Variants in AMBRA1 observed in about 807,000 individuals in gnomAD.
The protein encoded by AMBRA1 is autophagy and beclin 1 regulator 1.
A neutral mutation model predicts 125.4 loss-of-function variants in AMBRA1; 47 were observed. The ratio of observed to expected loss-of-function variants is 0.37; its 90% CI spans 0.30 to 0.48. AMBRA1 has a LOEUF of 0.48. AMBRA1 is among the 20% of genes least tolerant of loss of function. The pLI is 0.99. For missense variants in AMBRA1, 1,331 were observed against 1,693.4 expected, an observed-to-expected ratio of 0.79 and a Z score of 3.76; for synonymous variants, 626 against 655.5, an observed-to-expected ratio of 0.95 and a Z score of 0.69.
In AMBRA1 at chr11:46,542,806, G is replaced by C; in HGVS notation, c.1211C>G (p.Ser404Cys). 1.2e-6 allele frequency: 2 copies of C among 1,614,118 alleles called. No homozygotes were observed. The highest frequency in any genetic ancestry group is 1.7e-6 in the Non-Finnish European group (2 of 1,180,022). Residue 404 changes from serine (S) to cysteine (C), a missense_variant, in exon 7 of 18, where the codon TCT becomes TGT. Around this residue, in one of 4 missense-constraint regions of AMBRA1, gnomAD observed 689 missense variants for 776.5 expected, o/e 0.89. Coordinates refer to ENST00000683756, the MANE Select transcript of AMBRA1 (RefSeq NM_001387011.1). The surrounding 1 kb of genome is among the most constrained non-coding windows in gnomAD (Gnocchi z 5.9). ...AGGAGCTATTTCTCGGTGATACCTA[G>C]AAGGGTGGCTAGACAGAGGCCCTCC... ...SLGGPLSSHP[S>C]RYHREIAPGL...
chr11:46,509,900 C>T (rs1489190), intron 8 of AMBRA1, among the ~76,000 whole-genome samples: 1,917 of 152,136 alleles, frequency 0.013, 50 homozygotes, highest in African/African-American at 0.044. Context: ...AGAACAGAAA[C>T]AGGAATAGTT....
chr11:46,477,291 G>A (rs1473120594), intron 11 of AMBRA1, among the ~76,000 whole-genome samples: 1 of 151,766 alleles, frequency 6.6e-6, no homozygotes. Context: ...GTTTTCATTA[G>A]GGAGAGTCTT....
chr11:46,504,587 C>A (rs757302517), intron 9 of AMBRA1: 3 of 152,204 alleles, frequency 2.0e-5, no homozygotes, highest in Non-Finnish European at 4.4e-5. Flanking sequence ...TTGATAAACA[C>A]AAGGACCCTG....
Position 46,417,904 on chromosome 11 carries a change from G to C in AMBRA1, c.3116+9C>G. ...TGATCCCTCAACCCCCACACTTTAAGCCACTTACTCTGGTCGGCAGATCAC... is the reference window on the plus strand; with the variant it reads ...TGATCCCTCAACCCCCACACTTTAACCCACTTACTCTGGTCGGCAGATCAC... On this transcript the variant is annotated intron_variant, in intron 15 of 17. Transcript: ENST00000683756. 1 of 1,599,782 alleles carries C rather than the reference G, an allele frequency of 6.3e-7. No individual in the cohort carries two copies. The highest frequency in any genetic ancestry group is 1.1e-5 in the South Asian group (1 of 89,698).
rs190555776 is a variant in AMBRA1 at position 46,501,309 on chromosome 11, G to A, written c.2339+6882C>T. On this transcript the variant is annotated intron_variant, in intron 9 of 17. Coordinates refer to ENST00000683756, the MANE Select transcript of AMBRA1 (RefSeq NM_001387011.1). The stretch of plus-strand genomic sequence containing the variant: ...CTCACATCCCAAAGATGTGCACATT[G>A]GATGAACTGGCATGCCTAGACTACC... Among the ~76,000 whole-genome samples the A allele has an allele frequency of 5.9e-5, 9 of 152,338 alleles. No homozygotes were observed. The East Asian group carries it at 1.5e-3, about 26-fold the overall frequency.
At chr11:46,507,490 A>G (rs1951092763) in intron 9 of AMBRA1, among the ~76,000 whole-genome samples, 1 of 152,022 alleles carries the variant, frequency 6.6e-6, no homozygotes, top group African/African-American at 2.4e-5. Context: ...AAAAAAAAAA[A>G]AAAAAAGATT....
chr11:46,506,107 T>C (rs1951027453), intron 9 of AMBRA1, among the ~76,000 whole-genome samples: 1 of 152,190 alleles, frequency 6.6e-6, no homozygotes, highest in Non-Finnish European at 1.5e-5. Context: ...CAGGAGAACA[T>C]ATTTCACTGT....
chr11:46,505,002 G>C (rs1301360149), intron 9 of AMBRA1, among the ~76,000 whole-genome samples: 3 of 152,148 alleles, frequency 2.0e-5, no homozygotes, highest in African/African-American at 7.2e-5. Flanking sequence ...AATGATCTAT[G>C]ACTTAGCAAA....
chr11:46,445,783 A>G (rs951595279), intron 11 of AMBRA1, among the ~76,000 whole-genome samples: 1 of 152,210 alleles, frequency 6.6e-6, no homozygotes, highest in Non-Finnish European at 1.5e-5. Flanking sequence ...CCAGCTTTTA[A>G]CAACCCCAAA....
At chr11:46,586,095 C>T (rs769172527) in intron 1 of AMBRA1, among the ~76,000 whole-genome samples, 1 of 152,136 alleles carries the variant, frequency 6.6e-6, no homozygotes, top group Non-Finnish European at 1.5e-5. Flanking sequence ...TTAGCCACTG[C>T]ACCCAGCCGA....
chr11:46,470,265 A>AC (rs1219375292), intron 11 of AMBRA1, among the ~76,000 whole-genome samples: 1 of 151,602 alleles, frequency 6.6e-6, no homozygotes, highest in African/African-American at 2.4e-5. Context: ...ACATAGGGAG[A>AC]CCCCATATCT....
chr11:46,580,631 T>C (rs2044136921), intron 1 of AMBRA1, among the ~76,000 whole-genome samples: 1 of 152,204 alleles, frequency 6.6e-6, no homozygotes, highest in Non-Finnish European at 1.5e-5. Context: ...TTCTAAAATA[T>C]CTACTGAATC....
rs142377530 is a variant in AMBRA1, at chr11:46,537,602, C to T, written c.2072+4343G>A. Among the ~76,000 whole-genome samples, 1,067 of 152,240 alleles carry T rather than the reference C, an allele frequency of 7.0e-3. 9 individuals carry two copies. The highest frequency in any genetic ancestry group is 0.037 in the Middle Eastern group (11 of 294). On this transcript the variant is annotated intron_variant, in intron 7 of 17. Coordinates refer to ENST00000683756, the MANE Select transcript of AMBRA1 (RefSeq NM_001387011.1). ...CATTTCTTTGTAGTGAAGCAAAGGC[C>T]CACCACTCAAGTTGCAATGTAGCGT...
chr11:46,557,832 C>T (rs2043204078), intron 1 of AMBRA1, among the ~76,000 whole-genome samples: 2 of 151,900 alleles, frequency 1.3e-5, no homozygotes, highest in Non-Finnish European at 2.9e-5. Flanking sequence ...CATAGCCCGG[C>T]ATGGTGATGC....
intron 11 of AMBRA1, among the ~76,000 whole-genome samples, chr11:46,444,208 A>C (rs932642996): frequency 2.0e-5 from 3 of 152,204 alleles, no homozygotes; most frequent in Non-Finnish European, 4.4e-5. Context: ...ACACAATAAA[A>C]ATTTATGAGC....
intron 7 of AMBRA1, among the ~76,000 whole-genome samples, chr11:46,520,811 T>TA (rs1951730815): frequency 1.3e-5 from 2 of 151,716 alleles, no homozygotes; most frequent in South Asian, 4.2e-4. Context: ...TTCACTGTGT[T>TA]AGCCAGGATG....
chr11:46,422,196 C>G (rs1259140005), intron 14 of AMBRA1, among the ~76,000 whole-genome samples: 2 of 152,166 alleles, frequency 1.3e-5, no homozygotes, highest in Non-Finnish European at 2.9e-5. Flanking sequence ...ATTGACGAGT[C>G]CTGGTTTCAC....
At chr11:46,474,420 G>C (rs1313259106) in intron 11 of AMBRA1, among the ~76,000 whole-genome samples, 2 of 152,056 alleles carry the variant, frequency 1.3e-5, no homozygotes, top group Non-Finnish European at 2.9e-5. Context: ...ACAGAGTCTT[G>C]CTCTGTCGCC....
At chr11:46,406,064 T>C (rs1946001101) in intron 17 of AMBRA1, among the ~76,000 whole-genome samples, 1 of 150,894 alleles carries the variant, frequency 6.6e-6, no homozygotes, top group South Asian at 2.1e-4. Flanking sequence ...TATTGTATTA[T>C]TATTTTTGAG....
Sources: allele counts gnomAD v4.1 joint callset (sites outside exome capture counted in the v4.1 genomes callset), GRCh38; gene constraint gnomAD v4.1.1; regional missense constraint gnomAD v4.1.1; non-coding constraint Gnocchi (gnomAD v3.1); transcripts MANE v1.5; gene names NCBI Gene and HGNC (gene_info 2026-07-23, HGNC 2026-07-21).